The following ARMC2 variants were observed in gnomAD, a reference collection of about 807,000 sequenced individuals.
The protein encoded by ARMC2 is armadillo repeat-containing protein 2.
In ARMC2, 67 loss-of-function variants were observed where a neutral mutation model predicts 90.3. That is an observed-to-expected ratio of 0.74 (90% CI 0.61 to 0.91). ARMC2 has a LOEUF of 0.91. Ranked by LOEUF, ARMC2 falls within the 40% of genes least tolerant of loss-of-function variation. ARMC2 has a pLI of 0.00. For synonymous variants in ARMC2, 393 were observed against 393.0 expected, an observed-to-expected ratio of 1.00 and a Z score of 0.00; for missense variants, 920 against 1,030.9, an observed-to-expected ratio of 0.89 and a Z score of 1.47.
In ARMC2 at chr6:108,959,769, T is replaced by C. The variant is rs1011867751; in HGVS notation, c.1916-1803T>C. Among the ~76,000 whole-genome samples, 3 of 152,096 alleles carry C rather than the reference T, an allele frequency of 2.0e-5. No individual in the cohort carries two copies. In the East Asian group the frequency reaches 5.8e-4, roughly 29 times the overall value. ...GGTGCAATCTTGGCTCACTGCAACCTCTGCCTCCCGGGTTCAAGCAATTCT... is the reference window on the plus strand; with the variant it reads ...GGTGCAATCTTGGCTCACTGCAACCCCTGCCTCCCGGGTTCAAGCAATTCT... On this transcript the variant is annotated intron_variant, in intron 13 of 17. Coordinates refer to ENST00000392644, the MANE Select transcript of ARMC2 (RefSeq NM_032131.6).
intron 12 of ARMC2, among the ~76,000 whole-genome samples, chr6:108,943,041 G>A (rs1354398201): frequency 2.0e-5 from 3 of 152,160 alleles, no homozygotes; most frequent in African/African-American, 4.8e-5. Flanking sequence ...CCACAGAGGG[G>A]GAAATCCTGT....
chr6:109,005,114 G>A, the ARMC2 span, among the ~76,000 whole-genome samples: 208 of 152,298 alleles, frequency 1.4e-3, no homozygotes, highest in South Asian at 2.7e-3. Flanking sequence ...AATGCCATAC[G>A]TAAAAGGATA....
At chr6:108,974,841 G>A (rs1778952313), downstream of ARMC2, among the ~76,000 whole-genome samples, 1 of 152,034 alleles carries the variant, frequency 6.6e-6, no homozygotes, top group South Asian at 2.1e-4. Flanking sequence ...CTGGGAGGCC[G>A]AGGCGGGCAT....
At chr6:108,898,701 G>A (rs1771848734) in intron 6 of ARMC2, among the ~76,000 whole-genome samples, 1 of 152,198 alleles carries the variant, frequency 6.6e-6, no homozygotes, top group South Asian at 2.1e-4. Flanking sequence ...TGCAGAGGCT[G>A]GGGAGTTATA....
chr6:108,864,253 C>CTT (rs67415721), intron 3 of ARMC2, among the ~76,000 whole-genome samples: 2,395 of 136,814 alleles, frequency 0.018, 22 homozygotes, highest in South Asian at 0.032. Flanking sequence ...TTTTTCTTTT[C>CTT]TTTTTTTTTT....
intron 17 of ARMC2, among the ~76,000 whole-genome samples, chr6:108,966,852 CTG>C (rs1241148265): frequency 1.3e-5 from 2 of 152,220 alleles, no homozygotes; most frequent in African/African-American, 2.4e-5. Flanking sequence ...GGCTGAGAAT[CTG>C]TGTTCAAAGT....
chr6:108,947,943 G>T (rs986180499), intron 12 of ARMC2, among the ~76,000 whole-genome samples: 2 of 152,260 alleles, frequency 1.3e-5, no homozygotes, highest in East Asian at 3.9e-4. Context: ...CTATAAAAAT[G>T]GAGTGTTAAT....
intron 11 of ARMC2, among the ~76,000 whole-genome samples, chr6:108,929,171 C>G (rs1234204451): frequency 1.3e-5 from 2 of 152,030 alleles, no homozygotes; most frequent in African/African-American, 4.8e-5. Context: ...TACTGCACTT[C>G]CCTGAGCTTT....
intron 12 of ARMC2, among the ~76,000 whole-genome samples, chr6:108,951,658 T>G (rs1460460202): frequency 6.6e-6 from 1 of 152,228 alleles, no homozygotes. Flanking sequence ...ATCCAAAAGT[T>G]GTACTCTGCC....
the ARMC2 span, chr6:109,001,413 C>G: frequency 2.5e-6 from 4 of 1,613,798 alleles, no homozygotes; most frequent in Non-Finnish European, 3.4e-6. Context: ...GTAATGTTAT[C>G]CAAACGGCCC....
chr6:108,938,305 A>G (rs1776128147), intron 12 of ARMC2, among the ~76,000 whole-genome samples: 1 of 152,066 alleles, frequency 6.6e-6, no homozygotes, highest in Admixed American at 6.6e-5. Context: ...CATTGAACTT[A>G]TCTTTACCCA....
intron 15 of ARMC2, among the ~76,000 whole-genome samples, chr6:108,963,894 C>T (rs1778169255): frequency 6.6e-6 from 1 of 152,190 alleles, no homozygotes; most frequent in African/African-American, 2.4e-5. Context: ...ACCTGTGCTC[C>T]CTCCTTTCCA....
intron 9 of ARMC2, 36 bp from the exon 10 acceptor site, chr6:108,912,299 T>C (rs1296210253): frequency 6.9e-7 from 1 of 1,448,780 alleles, no homozygotes; most frequent in Non-Finnish European, 9.5e-7. Context: ...CCAGCTGTTA[T>C]ACTCAGACAT....
At chr6:108,960,709 A>T (rs779297763) in intron 13 of ARMC2, among the ~76,000 whole-genome samples, 12 of 152,234 alleles carry the variant, frequency 7.9e-5, no homozygotes, top group Middle Eastern at 3.2e-3. Flanking sequence ...ATGTCCAACA[A>T]GGCGGCATGT....
At chr6:108,885,599 A>G (rs1022002882) in intron 5 of ARMC2, among the ~76,000 whole-genome samples, 3 of 151,690 alleles carry the variant, frequency 2.0e-5, no homozygotes, top group Non-Finnish European at 4.4e-5. Flanking sequence ...GCTTGAACCC[A>G]GGAGGCAGAG....
chr6:108,958,840 A>T lies in ARMC2; in HGVS notation c.1916-2732A>T, dbSNP rs148732540. ...ACAACTCTATAATGTAGGTGCAATG[A>T]TCATGCTTACTTTACCATCAAGGAA... On this transcript the variant is annotated intron_variant, in intron 13 of 17. Coordinates refer to ENST00000392644, the MANE Select transcript of ARMC2 (RefSeq NM_032131.6). 1.3e-4 allele frequency among the ~76,000 whole-genome samples: 20 copies of T among 152,340 alleles called. No individual in the cohort carries two copies. In the East Asian group the frequency reaches 3.9e-3, roughly 29 times the overall value.
chr6:108,897,093 TA>T (rs1027470598), intron 6 of ARMC2, among the ~76,000 whole-genome samples: 2 of 152,232 alleles, frequency 1.3e-5, no homozygotes, highest in Admixed American at 6.5e-5. Flanking sequence ...GGCAGATTCA[TA>T]AAAACAATGA....
the ARMC2 span, among the ~76,000 whole-genome samples, chr6:108,984,421 CTG>C: frequency 6.6e-6 from 1 of 152,268 alleles, no homozygotes; most frequent in Admixed American, 6.5e-5. Context: ...CACACTCTAG[CTG>C]TGTCCTTTCA....
At chr6:109,012,656 T>C in the ARMC2 span, among the ~76,000 whole-genome samples, 53 of 152,044 alleles carry the variant, frequency 3.5e-4, 1 homozygote, top group South Asian at 9.8e-3. Context: ...GAAAGAAAAT[T>C]TGGGGGAGAG....
Sources: allele counts gnomAD v4.1 joint callset (sites outside exome capture counted in the v4.1 genomes callset), GRCh38; gene constraint gnomAD v4.1.1; transcripts MANE v1.5; gene names NCBI Gene and HGNC (gene_info 2026-07-23, HGNC 2026-07-21).